Variants in FNTA observed in about 807,000 individuals in gnomAD.
The protein encoded by FNTA is farnesyltransferase, CAAX box, subunit alpha, also known as protein farnesyltransferase/geranylgeranyltransferase type-1 subunit alpha.
In FNTA, 27 loss-of-function variants were observed where a neutral mutation model predicts 55.2. That is an observed-to-expected ratio of 0.49 (90% CI 0.36 to 0.67). The LOEUF (loss-of-function observed/expected upper bound fraction) is 0.67, where lower values mean the gene tolerates loss of function less well. Ranked by LOEUF, FNTA falls within the 30% of genes least tolerant of loss-of-function variation. The pLI is 0.00. For missense variants in FNTA, 422 were observed against 464.7 expected, an observed-to-expected ratio of 0.91 and a Z score of 0.85; for synonymous variants, 176 against 170.7, an observed-to-expected ratio of 1.03 and a Z score of -0.24.
intron 2 of FNTA, among the ~76,000 whole-genome samples, chr8:43,063,599 T>C (rs1476183153): frequency 5.3e-5 from 8 of 152,198 alleles, no homozygotes; most frequent in Non-Finnish European, 1.2e-4. Context: ...TATATACTTG[T>C]AGATGCATAG....
Position 43,056,413 on chromosome 8 carries a change from C to T in FNTA, c.67C>T (p.Pro23Ser), listed in dbSNP as rs1810399718. The T allele has an allele frequency of 6.6e-7, 1 of 1,521,094 alleles. No individual in the cohort carries two copies. 94.2% of individuals were successfully genotyped at this position (1,521,094 alleles called of 1,614,324 possible). A position where few individuals can be genotyped will look rare whatever the true frequency, so the allele number is the denominator to read the frequency against. Residue 23 changes from proline to serine, a missense_variant, in exon 1 of 9, where the codon CCG becomes TCG. By Grantham distance (74) the Pro-to-Ser change is moderately conservative. Around this residue, in one of 2 missense-constraint regions of FNTA, gnomAD observed 160 missense variants for 121.6 expected, o/e 1.32. Coordinates refer to ENST00000302279, the MANE Select transcript of FNTA (RefSeq NM_002027.3). The part of the protein sequence containing the change: ...GGEPGQPAQP[P>S]PQPHPPPPQQ... ...CGAGCCCGGGCAGCCGGCGCAACCC[C>T]CGCCCCAGCCGCACCCACCGCCGCC...
intron 3 of FNTA, among the ~76,000 whole-genome samples, chr8:43,068,335 C>A (rs1036922604): frequency 6.6e-6 from 1 of 152,110 alleles, no homozygotes; most frequent in East Asian, 1.9e-4. Context: ...TACTATATAT[C>A]GAGTTGGAAA....
intron 5 of FNTA, among the ~76,000 whole-genome samples, chr8:43,076,023 C>T (rs184810005): frequency 1.3e-5 from 2 of 151,844 alleles, no homozygotes; most frequent in Admixed American, 1.3e-4. Context: ...TGCCACGATG[C>T]CCGACTAATT....
intron 4 of FNTA, 52 bp downstream of exon 4, chr8:43,069,711 C>A: frequency 9.4e-7 from 1 of 1,066,204 alleles, no homozygotes; most frequent in Non-Finnish European, 1.4e-6. Context: ...GTGGCATGAC[C>A]TCGGCTCACT....
chr8:43,070,527 A>G (rs1162675359), intron 4 of FNTA, among the ~76,000 whole-genome samples: 1 of 152,206 alleles, frequency 6.6e-6, no homozygotes, highest in Non-Finnish European at 1.5e-5. Flanking sequence ...AAATTCTGAC[A>G]TCACAGGCAT....
At chr8:43,057,738 A>G (rs1810443178) in intron 1 of FNTA, among the ~76,000 whole-genome samples, 1 of 152,154 alleles carries the variant, frequency 6.6e-6, no homozygotes, top group East Asian at 1.9e-4. Context: ...CGGGCGGATC[A>G]CCTGAGGTCA....
chr8:43,069,493 A>G (rs757838318), intron 3 of FNTA, 62 bp from the exon 4 acceptor site: 4 of 1,014,276 alleles, frequency 3.9e-6, no homozygotes, highest in Non-Finnish European at 6.2e-6. Context: ...GCTGTATTTG[A>G]TATTGTTATT....
chr8:43,057,733 G>A (rs1435628390), intron 1 of FNTA, among the ~76,000 whole-genome samples: 6 of 152,134 alleles, frequency 3.9e-5, no homozygotes, highest in Non-Finnish European at 5.9e-5. Context: ...CGAGGCGGGC[G>A]GATCACCTGA....
chr8:43,068,625 A>C (rs980288549), intron 3 of FNTA, among the ~76,000 whole-genome samples: 1 of 152,266 alleles, frequency 6.6e-6, no homozygotes, highest in African/African-American at 2.4e-5. Flanking sequence ...TGACCAGAGT[A>C]GTACCTGAAA....
Position 43,083,021 on chromosome 8 carries a change from G to C in FNTA, c.783-97G>C, listed in dbSNP as rs982790263. 1.3e-5 allele frequency: 9 copies of C among 670,008 alleles called. No homozygotes were observed. In the African/African-American group the frequency reaches 1.4e-4, roughly 10 times the overall value. 41.5% of individuals were successfully genotyped at this position (670,008 alleles called of 1,614,324 possible). On this transcript the variant is annotated intron_variant, in intron 6 of 8. Coordinates refer to ENST00000302279, the MANE Select transcript of FNTA (RefSeq NM_002027.3). ...AGATTGTGCCACTGCACTCCAGCCT[G>C]GGTGACAGAGCAAGACTCCGTTTCA...
At chr8:43,060,715 T>C (rs1810512059) in intron 2 of FNTA, among the ~76,000 whole-genome samples, 1 of 151,434 alleles carries the variant, frequency 6.6e-6, no homozygotes. Flanking sequence ...AATTCTTACA[T>C]ACACCATGGT....
At chr8:43,063,447 C>G (rs1810582932) in intron 2 of FNTA, among the ~76,000 whole-genome samples, 1 of 152,006 alleles carries the variant, frequency 6.6e-6, no homozygotes, top group African/African-American at 2.4e-5. Context: ...ATTACTGGGT[C>G]AAAGAGTATG....
chr8:43,060,066 G>C (rs975291855), intron 2 of FNTA, among the ~76,000 whole-genome samples: 16 of 152,184 alleles, frequency 1.1e-4, no homozygotes, highest in African/African-American at 3.9e-4. Context: ...GATAAAAGCA[G>C]AGTTGTATCC....
chr8:43,064,880 C>G (rs1054791514), intron 3 of FNTA, among the ~76,000 whole-genome samples: 5 of 150,142 alleles, frequency 3.3e-5, no homozygotes, highest in African/African-American at 1.2e-4. Flanking sequence ...GCTTTGTCAC[C>G]ATCTGGAGTG....
At position 43,062,657 on chromosome 8, in the gene FNTA, A is replaced by G. The variant is rs1036410596; in HGVS notation, c.287-1444A>G. On this transcript the variant is annotated intron_variant, in intron 2 of 8. Coordinates refer to ENST00000302279, the MANE Select transcript of FNTA (RefSeq NM_002027.3). ...ATTTTGTGAAGAGGAGTAATTGTTC[A>G]TATTCGTGTCTGATACTTTCAGTGT... is the stretch of plus-strand genomic sequence containing the variant. Among the ~76,000 whole-genome samples, 134 of 152,344 alleles carry G rather than the reference A, an allele frequency of 8.8e-4. 1 individual carries two copies. The highest frequency in any genetic ancestry group is 3.1e-3 in the African/African-American group (128 of 41,582).
Position 43,064,125 on chromosome 8 carries a change from G to T in FNTA, c.311G>T (p.Arg104Leu), listed in dbSNP as rs765636803. Residue 104 changes from arginine (R) to leucine (L), a missense_variant, in exon 3 of 9, where the codon CGA (arginine) becomes CTA (leucine). Arg to Leu is a moderately radical substitution (Grantham distance 102). This residue lies in a region of FNTA where 262 missense variants were observed against 343.1 expected (regional missense o/e 0.76). Transcript: ENST00000302279. ...GTTAGAGATGTTTATGATTACTTCC[G>T]AGCTGTCCTGCAGCGTGATGAAAGA... ...DKFRDVYDYF[R>L]AVLQRDERSE... 6.2e-7 allele frequency: 1 copy of T among 1,613,332 alleles called. No homozygotes were observed. Among genetic ancestry groups the T allele is most frequent in the South Asian group, 1.1e-5 (1 of 91,022 alleles).
intron 1 of FNTA, among the ~76,000 whole-genome samples, chr8:43,058,564 G>A (rs918815006): frequency 2.6e-5 from 4 of 152,104 alleles, no homozygotes; most frequent in African/African-American, 4.8e-5. Context: ...CAGGTCAAGA[G>A]ATTGAGACCA....
chr8:43,060,913 CAGAG>C (rs201444781), intron 2 of FNTA, among the ~76,000 whole-genome samples: 11 of 152,010 alleles, frequency 7.2e-5, no homozygotes, highest in Admixed American at 5.3e-4. Flanking sequence ...GATAAGGAGA[CAGAG>C]AGTTTAATCA....
At chr8:43,073,646 C>G (rs980045177) in intron 5 of FNTA, 1 of 151,588 alleles carries the variant, frequency 6.6e-6, no homozygotes, top group Non-Finnish European at 1.5e-5. Context: ...AACAGGTTTT[C>G]TCTGCTTATT....
Sources: allele counts gnomAD v4.1 joint callset (sites outside exome capture counted in the v4.1 genomes callset), GRCh38; gene constraint gnomAD v4.1.1; regional missense constraint gnomAD v4.1.1; transcripts MANE v1.5; gene names NCBI Gene and HGNC (gene_info 2026-07-23, HGNC 2026-07-21).